The following SRGAP2B variants were observed in gnomAD, a reference collection of about 807,000 sequenced individuals.
SRGAP2B encodes the protein SLIT-ROBO Rho GTPase-activating protein 2B.
Under a neutral mutation model 22.2 loss-of-function variants are expected in SRGAP2B, and 9 were observed. The observed-to-expected ratio is 0.41, with a 90% CI of 0.24 to 0.71. The LOEUF (loss-of-function observed/expected upper bound fraction) is 0.71, where lower values mean the gene tolerates loss of function less well. SRGAP2B is among the 30% of genes least tolerant of loss of function. The pLI is 0.35. For synonymous variants in SRGAP2B, 36 were observed against 87.4 expected, an observed-to-expected ratio of 0.41 and a Z score of 3.28; for missense variants, 114 against 235.8, an observed-to-expected ratio of 0.48 and a Z score of 3.38.
At chr1:144,889,169 G>C (rs1341247913) in exon 10 of SRGAP2B, 1 of 148,556 alleles carries the variant, frequency 6.7e-6, no homozygotes, top group Non-Finnish European at 1.5e-5. Context: ...TGTCCAGGCT[G>C]GTCTTGAACT....
chr1:144,979,871 TCAAA>T (rs1252406447), intron 3 of SRGAP2B, among the ~76,000 whole-genome samples: 5 of 151,648 alleles, frequency 3.3e-5, no homozygotes, highest in Admixed American at 1.3e-4. Context: ...CATGAGCCAA[TCAAA>T]CCTTTTTTCT....
intron 4 of SRGAP2B, among the ~76,000 whole-genome samples, chr1:144,928,974 TTTTC>T (rs1234405648): frequency 8.2e-5 from 12 of 146,468 alleles, no homozygotes; most frequent in Non-Finnish European, 1.2e-4. Flanking sequence ...TCTTCTTTCC[TTTTC>T]TTTCTTCCTT....
At chr1:144,984,359 CAACAACAA>C (rs1190835133) in intron 3 of SRGAP2B, among the ~76,000 whole-genome samples, 6 of 127,132 alleles carry the variant, frequency 4.7e-5, no homozygotes, top group South Asian at 2.5e-4. Flanking sequence ...ACAACAACAA[CAACAACAA>C]AAAAAAAAAA....
At chr1:145,013,708 A>T (rs1672219846) in intron 2 of SRGAP2B, among the ~76,000 whole-genome samples, 1 of 148,476 alleles carries the variant, frequency 6.7e-6, no homozygotes, top group Non-Finnish European at 1.5e-5. Context: ...CAGGTCTTCC[A>T]GGGTCTTCAC....
Position 144,944,097 on chromosome 1 carries a change from T to C in SRGAP2B, c.423+11342A>G, listed in dbSNP as rs587773643. ...AGTATAAAGCCAAGCCCCCACAAGA[T>C]CAAGGTGATCAACCAGTAATTTAAT... On this transcript the variant is annotated intron_variant, in intron 4 of 9. Coordinates refer to ENST00000612199, the Ensembl canonical transcript of SRGAP2B. Among the ~76,000 whole-genome samples the C allele has an allele frequency of 2.7e-5, 4 of 149,886 alleles. No individual in the cohort carries two copies. In the East Asian group the frequency reaches 7.8e-4, roughly 29 times the overall value.
intron 3 of SRGAP2B, among the ~76,000 whole-genome samples, chr1:144,964,807 T>A (rs1187212108): frequency 2.7e-5 from 4 of 150,532 alleles, no homozygotes; most frequent in African/African-American, 1.0e-4. Context: ...TACTCCTGGC[T>A]ACTCGGGAAG....
At chr1:144,966,752 C>T (rs1439847511) in intron 3 of SRGAP2B, among the ~76,000 whole-genome samples, 2 of 147,872 alleles carry the variant, frequency 1.4e-5, no homozygotes, top group South Asian at 2.1e-4. Flanking sequence ...ACCCTTCTCA[C>T]GTGCAGAGAC....
intron 3 of SRGAP2B, among the ~76,000 whole-genome samples, chr1:144,993,051 G>A (rs1553617706): frequency 6.6e-6 from 1 of 151,330 alleles, no homozygotes; most frequent in Non-Finnish European, 1.5e-5. Context: ...TGGGTCTTAA[G>A]ACATGGGCAT....
chr1:145,094,993 G>A, intron 1 of SRGAP2B: 1 of 1,541,474 alleles, frequency 6.5e-7, no homozygotes, highest in Non-Finnish European at 8.7e-7. Flanking sequence ...GTCCCAGGCT[G>A]TACAGTGATG....
intron 3 of SRGAP2B, among the ~76,000 whole-genome samples, chr1:144,971,942 C>T (rs1668556044): frequency 6.7e-6 from 1 of 149,568 alleles, no homozygotes; most frequent in Non-Finnish European, 1.5e-5. Context: ...TTCAAAAGCC[C>T]TTAGCATCTC....
At chr1:144,963,037 T>G (rs1667794630) in intron 3 of SRGAP2B, among the ~76,000 whole-genome samples, 1 of 150,884 alleles carries the variant, frequency 6.6e-6, no homozygotes, top group African/African-American at 2.5e-5. Flanking sequence ...ATGAACCCAC[T>G]GCAAAACCCT....
At chr1:144,980,747 T>G (rs1553614999) in intron 3 of SRGAP2B, among the ~76,000 whole-genome samples, 1 of 150,886 alleles carries the variant, frequency 6.6e-6, no homozygotes, top group East Asian at 1.9e-4. Flanking sequence ...CTCTAAATCT[T>G]TCGTTAACAG....
chr1:145,094,850 GGAGGA>G, intron 1 of SRGAP2B: 1 of 974,258 alleles, frequency 1.0e-6, no homozygotes, highest in Non-Finnish European at 1.5e-6. Flanking sequence ...GGGAGACACT[GGAGGA>G]GGCCGGCCGA....
intron 3 of SRGAP2B, among the ~76,000 whole-genome samples, chr1:144,960,387 C>A (rs1236236822): frequency 6.6e-6 from 1 of 150,834 alleles, no homozygotes; most frequent in African/African-American, 2.5e-5. Context: ...AAGTCACATG[C>A]TGCCTGTACA....
intron 3 of SRGAP2B, among the ~76,000 whole-genome samples, chr1:144,965,510 C>T (rs1668015793): frequency 6.9e-6 from 1 of 145,526 alleles, no homozygotes; most frequent in South Asian, 2.1e-4. Context: ...CATCAAAGAC[C>T]AAAAGTAGAG....
chr1:144,910,449 T>C (rs1282902351), intron 5 of SRGAP2B, among the ~76,000 whole-genome samples: 1 of 148,020 alleles, frequency 6.8e-6, no homozygotes, highest in African/African-American at 2.6e-5. Flanking sequence ...TTAAGTGCCA[T>C]TGTTTCAAGG....
At chr1:144,917,600 G>C (rs1269100009) in intron 4 of SRGAP2B, among the ~76,000 whole-genome samples, 1 of 146,634 alleles carries the variant, frequency 6.8e-6, no homozygotes, top group Non-Finnish European at 1.5e-5. Flanking sequence ...TTAAGCCCAG[G>C]CAGATGTTTC....
Position 144,918,302 on chromosome 1 carries a change from A to T in SRGAP2B, c.424-3548T>A, listed in dbSNP as rs1382198752. On this transcript the variant is annotated intron_variant, in intron 4 of 9. Transcript: ENST00000612199. Reference sequence around the variant, plus strand: ...AAAAAAAAAAGATGCCTAAATTTAGAATAGAGATGTGGTACAGTTAACAAT... The same window carrying T: ...AAAAAAAAAAGATGCCTAAATTTAGTATAGAGATGTGGTACAGTTAACAAT... The T allele has an allele frequency of 4.0e-5, 6 of 149,056 alleles. 2 individuals are homozygous for T. Among genetic ancestry groups the T allele is most frequent in the African/African-American group, 1.6e-4 (6 of 38,362 alleles). The allele number at this position is 149,056 out of a possible 1,614,324, so 9.2% of individuals were successfully genotyped here.
intron 2 of SRGAP2B, among the ~76,000 whole-genome samples, chr1:145,044,650 TAAAAAAAAAAAAA>T (rs1184404731): frequency 5.5e-4 from 17 of 30,644 alleles, no homozygotes; most frequent in Non-Finnish European, 7.4e-4. Flanking sequence ...AACCCCCTCC[TAAAAAAAAAAAAA>T]AAAAAAAAAA....
Sources: allele counts gnomAD v4.1 joint callset (sites outside exome capture counted in the v4.1 genomes callset), GRCh38; gene constraint gnomAD v4.1.1; transcripts MANE v1.5; gene names NCBI Gene and HGNC (gene_info 2026-07-23, HGNC 2026-07-21).